Variants in BICD1 observed in about 807,000 individuals in gnomAD.
BICD1 encodes BICD cargo adaptor 1.
BICD1 carries 35 observed loss-of-function variants against 92.5 expected under a neutral mutation model. The ratio of observed to expected loss-of-function variants is 0.38; its 90% CI spans 0.29 to 0.50. The LOEUF (loss-of-function observed/expected upper bound fraction) is 0.50. BICD1 is among the 20% of genes least tolerant of loss of function. BICD1 has a pLI of 0.93. For synonymous variants in BICD1, 429 were observed against 465.1 expected, an observed-to-expected ratio of 0.92 and a Z score of 1.00; for missense variants, 950 against 1,189.8, an observed-to-expected ratio of 0.80 and a Z score of 2.97.
intron 2 of BICD1, among the ~76,000 whole-genome samples, chr12:32,280,560 T>C (rs1947385999): frequency 6.6e-6 from 1 of 152,200 alleles, no homozygotes; most frequent in Non-Finnish European, 1.5e-5. Context: ...TTCTTCCTGG[T>C]ACAGGGAGGG....
intron 1 of BICD1, among the ~76,000 whole-genome samples, chr12:32,142,677 C>T (rs1009771408): frequency 1.2e-4 from 18 of 144,372 alleles, no homozygotes; most frequent in Admixed American, 1.2e-3. Context: ...CATTAGTTTT[C>T]TAAGCCTTAA....
chr12:32,114,006 A>T (rs1347655775), intron 1 of BICD1, among the ~76,000 whole-genome samples: 1 of 151,748 alleles, frequency 6.6e-6, no homozygotes, highest in East Asian at 1.9e-4. Context: ...TGTAGATGGG[A>T]TTATAGGCGC....
At chr12:32,370,650 T>A (rs1939705382) in intron 9 of BICD1, among the ~76,000 whole-genome samples, 1 of 152,222 alleles carries the variant, frequency 6.6e-6, no homozygotes, top group Non-Finnish European at 1.5e-5. Context: ...ACTGGTTGTT[T>A]AACTTTGGAA....
Position 32,379,670 on chromosome 12 carries a change from T to C in BICD1, c.*2043T>C, listed in dbSNP as rs183110453. 1 of 152,282 alleles carries C rather than the reference T, an allele frequency of 6.6e-6. No individual in the cohort carries two copies. Among genetic ancestry groups the C allele is most frequent in the Admixed American group, 6.5e-5 (1 of 15,288 alleles). 9.4% of individuals were successfully genotyped at this position (152,282 alleles called of 1,614,324 possible). A position where few individuals can be genotyped will look rare whatever the true frequency, so the allele number is the denominator to read the frequency against. On this transcript the variant is annotated 3_prime_UTR_variant, in exon 10 of 10. Transcript: ENST00000652176. ...GCCCTCACTTTGTGTTTTTTATTTT[T>C]CCCCCTTTCTCAAGCACCACGTATT...
chr12:32,166,833 A>C (rs12297466), intron 1 of BICD1, among the ~76,000 whole-genome samples: 20,084 of 152,252 alleles, frequency 0.13, 1,370 homozygotes, highest in Middle Eastern at 0.17. Flanking sequence ...GTTACAAAAA[A>C]GAGGGCATAA....
chr12:32,296,109 G>A (rs1000584885), intron 3 of BICD1, among the ~76,000 whole-genome samples: 1 of 151,252 alleles, frequency 6.6e-6, no homozygotes, highest in African/African-American at 2.4e-5. Flanking sequence ...CCCCATATGT[G>A]TGCTGAGGGC....
chr12:32,187,312 T>A (rs1210905383), intron 1 of BICD1, among the ~76,000 whole-genome samples: 1 of 152,186 alleles, frequency 6.6e-6, no homozygotes, highest in Non-Finnish European at 1.5e-5. Context: ...TAAAACAATA[T>A]ATTGCTCACC....
chr12:32,349,849 C>A (rs184490805), intron 8 of BICD1, among the ~76,000 whole-genome samples: 1 of 152,030 alleles, frequency 6.6e-6, no homozygotes, highest in Non-Finnish European at 1.5e-5. Context: ...TGACAACGTG[C>A]CAACACTTTG....
chr12:32,270,119 TAA>T lies in BICD1; in HGVS notation c.427-23859_427-23858del, dbSNP rs34843444. On this transcript the variant is annotated intron_variant, in intron 2 of 9. Coordinates refer to ENST00000652176, the MANE Select transcript of BICD1 (RefSeq NM_001714.4). The stretch of plus-strand genomic sequence containing the variant: ...CTGAGCGACAAAGCCAGACTCCCTC[TAA>T]AAAAAAAAAAAAAAATTATTATTAT... Among the ~76,000 whole-genome samples the T allele has an allele frequency of 4.1e-3, 524 of 129,072 alleles. 5 individuals carry two copies. The highest frequency in any genetic ancestry group is 0.02 in the Admixed American group (260 of 13,116). The allele number at this position is 129,072 out of a possible 152,430, so 84.7% of individuals were successfully genotyped here.
intron 1 of BICD1, among the ~76,000 whole-genome samples, chr12:32,154,877 C>T (rs978210837): frequency 2.0e-5 from 3 of 152,086 alleles, no homozygotes; most frequent in African/African-American, 7.2e-5. Context: ...GATGGGTTGT[C>T]GATAAACCTC....
rs140400960 is a variant in BICD1 at position 32,314,682 on chromosome 12, T to G, written c.1005+8560T>G. On this transcript the variant is annotated intron_variant, in intron 4 of 9. Coordinates refer to ENST00000652176, the MANE Select transcript of BICD1 (RefSeq NM_001714.4). ...ACAAATCCCTCATCATAAAAGTGAT[T>G]TATGATTTGCAAATATTTTCTCCCA... 2.5e-3 allele frequency among the ~76,000 whole-genome samples: 376 copies of G among 152,284 alleles called. 1 individual carries two copies. Among genetic ancestry groups the G allele is most frequent in the African/African-American group, 8.7e-3 (361 of 41,564 alleles).
chr12:32,217,136 A>G (rs1007144025), intron 2 of BICD1, among the ~76,000 whole-genome samples: 2 of 152,218 alleles, frequency 1.3e-5, no homozygotes, highest in African/African-American at 4.8e-5. Context: ...AGAGATAGCC[A>G]AAAGTAGCTT....
At chr12:32,312,198 A>AAAAAAAAAAC (rs1555167016) in intron 4 of BICD1, among the ~76,000 whole-genome samples, 7 of 151,302 alleles carry the variant, frequency 4.6e-5, no homozygotes, top group Admixed American at 1.3e-4. Context: ...GAACTATGGA[A>AAAAAAAAAAC]AAAACAAAAC....
intron 1 of BICD1, among the ~76,000 whole-genome samples, chr12:32,133,628 A>G (rs1466090142): frequency 2.0e-5 from 3 of 152,146 alleles, no homozygotes; most frequent in Admixed American, 1.3e-4. Context: ...ACCTTTCATG[A>G]TGCATATTAA....
rs1277138147 is a variant in BICD1 at position 32,328,318 on chromosome 12, G to T, written c.1863G>T (p.Glu621Asp). 2.5e-6 allele frequency: 4 copies of T among 1,614,206 alleles called. No homozygotes were observed. The highest frequency in any genetic ancestry group is 3.4e-6 in the Non-Finnish European group (4 of 1,180,038). The stretch of plus-strand genomic sequence containing the variant: ...TGGATACAAGTGACATCCGCAAAGA[G>T]CCAATGAATATCTACAACCTTAATG... Reference protein sequence around the residue: ...PVLDTSDIRKEPMNIYNLNAI... With the variant: ...PVLDTSDIRKDPMNIYNLNAI... The change falls in exon 5 of 10, where the codon GAG becomes GAT. Residue 621 changes from glutamate to aspartate, a missense_variant. Physicochemically the swap from Glu to Asp is conservative, Grantham distance 45. Transcript: ENST00000652176. This position sits in a 1 kb window ranked among gnomAD's most constrained non-coding sequence, Gnocchi z 4.4.
chr12:32,225,626 T>TGTTTTG (rs1308619516), intron 2 of BICD1, among the ~76,000 whole-genome samples: 2 of 117,986 alleles, frequency 1.7e-5, no homozygotes, highest in Admixed American at 1.7e-4. Flanking sequence ...TTTCTGTTTT[T>TGTTTTG]TTTTTTTTTT....
At chr12:32,178,619 T>C (rs1944186504) in intron 1 of BICD1, among the ~76,000 whole-genome samples, 1 of 151,992 alleles carries the variant, frequency 6.6e-6, no homozygotes, top group South Asian at 2.1e-4. Context: ...TTTGACTTGA[T>C]TAGAATTTGA....
intron 2 of BICD1, chr12:32,228,221 T>C (rs1018716714): frequency 9.8e-5 from 15 of 152,906 alleles, no homozygotes. Context: ...CATAAAGGAG[T>C]TGGTTTAGAT....
intron 1 of BICD1, chr12:32,109,693 ATG>A (rs1395154476): frequency 6.6e-6 from 1 of 151,980 alleles, no homozygotes; most frequent in African/African-American, 2.4e-5. Context: ...TTATATAAAA[ATG>A]TATTTTAGGT....
Sources: gnomAD v4.1 joint callset for allele counts (sites outside exome capture counted in the v4.1 genomes callset) on GRCh38, gnomAD v4.1.1 for gene constraint, Gnocchi (gnomAD v3.1) non-coding constraint, MANE v1.5 for transcripts, NCBI Gene and HGNC (gene_info 2026-07-23, HGNC 2026-07-21) for gene names.